Variants in ZBTB20 observed in about 807,000 individuals in gnomAD.
ZBTB20 encodes the protein zinc finger and BTB domain-containing protein 20.
ZBTB20 carries 9 observed loss-of-function variants against 56.9 expected under a neutral mutation model. The observed-to-expected ratio is 0.16, with a 90% CI of 0.10 to 0.28. The LOEUF (loss-of-function observed/expected upper bound fraction) is 0.28, where lower values mean the gene tolerates loss of function less well. ZBTB20 is among the 10% of genes least tolerant of loss of function. The probability of loss-of-function intolerance (pLI) is 1.00; values close to 1 mark genes in which losing one functional copy is unlikely to be tolerated. For missense variants in ZBTB20, 655 were observed against 1,003.0 expected, an observed-to-expected ratio of 0.65 and a Z score of 4.69; for synonymous variants, 417 against 420.7, an observed-to-expected ratio of 0.99 and a Z score of 0.11.
intron 5 of ZBTB20, among the ~76,000 whole-genome samples, chr3:114,796,014 A>G (rs949056612): frequency 5.3e-5 from 8 of 151,826 alleles, no homozygotes; most frequent in African/African-American, 1.9e-4. Flanking sequence ...TGAGTATTGC[A>G]TTAGTTTCTT....
At chr3:115,032,987 CCCACAG>C (rs1272374441) in intron 2 of ZBTB20, among the ~76,000 whole-genome samples, 14 of 134,280 alleles carry the variant, frequency 1.0e-4, no homozygotes, top group Non-Finnish European at 8.0e-5. Context: ...ACAAACTAAA[CCCACAG>C]CTAGCAGAAG....
At chr3:114,534,591 A>G (rs1479748204) in intron 6 of ZBTB20, among the ~76,000 whole-genome samples, 6 of 152,142 alleles carry the variant, frequency 3.9e-5, no homozygotes, top group African/African-American at 1.4e-4. Flanking sequence ...GAGACAGAAA[A>G]TTAACAAGGA....
chr3:115,019,990 C>G (rs770803057), intron 2 of ZBTB20, among the ~76,000 whole-genome samples: 5 of 151,100 alleles, frequency 3.3e-5, no homozygotes, highest in Non-Finnish European at 5.9e-5. Context: ...GTCCAGCTAA[C>G]AGAAAAGGAT....
intron 7 of ZBTB20, among the ~76,000 whole-genome samples, chr3:114,485,384 C>T (rs975960907): frequency 1.3e-5 from 2 of 152,100 alleles, no homozygotes; most frequent in Admixed American, 6.6e-5. Context: ...GGTTGTTTTT[C>T]TGGTGCTTTT....
intron 2 of ZBTB20, among the ~76,000 whole-genome samples, chr3:115,037,361 T>A (rs1346785940): frequency 1.3e-5 from 2 of 152,146 alleles, no homozygotes; most frequent in Non-Finnish European, 2.9e-5. Flanking sequence ...CTCAGCTCAC[T>A]GCAACCTCCG....
At chr3:114,434,387 A>G (rs1041189168) in intron 7 of ZBTB20, among the ~76,000 whole-genome samples, 3 of 152,258 alleles carry the variant, frequency 2.0e-5, no homozygotes, top group South Asian at 4.1e-4. Context: ...GCTAGGATCC[A>G]TATAAGATCG....
At chr3:115,049,554 T>G (rs1040491456) in intron 2 of ZBTB20, among the ~76,000 whole-genome samples, 1 of 152,184 alleles carries the variant, frequency 6.6e-6, no homozygotes, top group African/African-American at 2.4e-5. Flanking sequence ...TACAATATTT[T>G]ATAATAATTT....
At chr3:114,580,782 C>T (rs2054566025) in intron 6 of ZBTB20, among the ~76,000 whole-genome samples, 1 of 151,754 alleles carries the variant, frequency 6.6e-6, no homozygotes, top group African/African-American at 2.4e-5. Flanking sequence ...AATTTTAAAA[C>T]ATGATTATAG....
chr3:115,040,187 A>C (rs2081084599), intron 2 of ZBTB20, among the ~76,000 whole-genome samples: 1 of 152,134 alleles, frequency 6.6e-6, no homozygotes. Flanking sequence ...TCACTGACTG[A>C]TTGAATCACT....
At chr3:114,741,922 AGGGAAAAT>A (rs2066628747) in intron 5 of ZBTB20, among the ~76,000 whole-genome samples, 2 of 151,932 alleles carry the variant, frequency 1.3e-5, no homozygotes, top group South Asian at 4.2e-4. Context: ...GAAGGAAATC[AGGGAAAAT>A]GGGAAAATGA....
At chr3:114,549,223 A>G (rs1049629770) in intron 6 of ZBTB20, among the ~76,000 whole-genome samples, 1 of 152,156 alleles carries the variant, frequency 6.6e-6, no homozygotes, top group Admixed American at 6.5e-5. Context: ...TGCCCTTATA[A>G]CTTTAAATGA....
intron 10 of ZBTB20, among the ~76,000 whole-genome samples, chr3:114,356,754 G>A (rs1262012296): frequency 6.6e-6 from 1 of 151,812 alleles, no homozygotes; most frequent in African/African-American, 2.4e-5. Flanking sequence ...CCTGGGGTAA[G>A]ACTTCAGTTA....
chr3:114,843,697 G>C (rs1202563906), intron 4 of ZBTB20, among the ~76,000 whole-genome samples: 1 of 151,978 alleles, frequency 6.6e-6, no homozygotes, highest in African/African-American at 2.4e-5. Flanking sequence ...TTTTTTTTGA[G>C]ACGGAGTCTC....
chr3:114,484,798 A>AGTGT (rs146057079), intron 7 of ZBTB20, among the ~76,000 whole-genome samples: 4,285 of 150,026 alleles, frequency 0.029, 73 homozygotes, highest in South Asian at 0.055. Flanking sequence ...ATATCAATAG[A>AGTGT]GTGTGTGTGT....
intron 10 of ZBTB20, among the ~76,000 whole-genome samples, chr3:114,361,240 T>A (rs1294889747): frequency 1.3e-5 from 2 of 152,204 alleles, no homozygotes; most frequent in African/African-American, 4.8e-5. Flanking sequence ...TGTGTGTGGA[T>A]TACATTCATT....
intron 5 of ZBTB20, chr3:114,791,830 TA>T (rs11344443): frequency 0.66 from 99,796 of 152,050 alleles, 37,815 homozygotes; most frequent in East Asian, 0.96. Flanking sequence ...GACATTTTAT[TA>T]AAAAAGGTTA....
chr3:114,524,069 T>A (rs965685897), intron 6 of ZBTB20, among the ~76,000 whole-genome samples: 2 of 152,134 alleles, frequency 1.3e-5, no homozygotes, highest in Non-Finnish European at 2.9e-5. Flanking sequence ...TCAGAGAAGG[T>A]CAATGGTGTT....
At chr3:115,145,595 C>T (rs577541515) in intron 1 of ZBTB20, among the ~76,000 whole-genome samples, 5 of 152,320 alleles carry the variant, frequency 3.3e-5, no homozygotes, top group Admixed American at 3.3e-4. Context: ...TCTATTCCAT[C>T]TATTCCCCCA....
At chr3:114,525,455 T>C (rs1020928892) in intron 6 of ZBTB20, among the ~76,000 whole-genome samples, 7 of 152,110 alleles carry the variant, frequency 4.6e-5, no homozygotes, top group African/African-American at 1.4e-4. Context: ...GATGATTTCA[T>C]CATATTTCTC....
Sources: gnomAD v4.1 joint callset for allele counts (sites outside exome capture counted in the v4.1 genomes callset) on GRCh38, gnomAD v4.1.1 for gene constraint, MANE v1.5 for transcripts, NCBI Gene and HGNC (gene_info 2026-07-23, HGNC 2026-07-21) for gene names.